The following NBR1 variants were observed in gnomAD, a reference collection of about 807,000 sequenced individuals.
NBR1 encodes the protein NBR1 autophagy cargo receptor.
In NBR1, 59 loss-of-function variants were observed where a neutral mutation model predicts 115.5. The ratio of observed to expected loss-of-function variants is 0.51; its 90% CI spans 0.41 to 0.63. The LOEUF (loss-of-function observed/expected upper bound fraction) is 0.63. NBR1 is among the 30% of genes least tolerant of loss of function. The pLI, the probability that NBR1 is intolerant of heterozygous loss-of-function variation, is 0.00. For synonymous variants in NBR1, 373 were observed against 414.7 expected (o/e 0.90, Z 1.22); for missense variants, 1,043 against 1,150.5 (o/e 0.91, Z 1.35).
rs1380884600 is a variant in NBR1, at chr17:43,193,125, C to G, written c.1105C>G (p.Pro369Ala). 1 of 1,613,932 alleles carries G rather than the reference C, an allele frequency of 6.2e-7. No homozygotes were observed. Among genetic ancestry groups the G allele is most frequent in the East Asian group, 2.2e-5 (1 of 44,878 alleles). The change falls in exon 11 of 21, where the codon CCA becomes GCA. Residue 369 changes from proline (P) to alanine (A), a missense_variant. Pro to Ala is a conservative substitution (Grantham distance 27). Transcript: ENST00000590996. ...TTTGCAGCCCTGTACCTCCGTTATG[C>G]CAATGCTCAGTGCAGCATTTGTGGA... is the stretch of plus-strand genomic sequence containing the variant. ...LPLQPCTSVM[P>A]MLSAAFVDEN...
intron 5 of NBR1, among the ~76,000 whole-genome samples, chr17:43,183,001 T>TG (rs374414565): frequency 7.7e-4 from 117 of 151,726 alleles, no homozygotes; most frequent in African/African-American, 2.6e-3. Flanking sequence ...TGACCTCCGG[T>TG]GATCCTCTTG....
At chr17:43,197,201 T>A in intron 16 of NBR1, 95 bp downstream of exon 16, 1 of 1,178,130 alleles carries the variant, frequency 8.5e-7, no homozygotes, top group Non-Finnish European at 1.2e-6. Flanking sequence ...TCACTGAGAC[T>A]GAAGGGAGAG....
In NBR1 at chr17:43,198,163, G is replaced by A. The variant is rs1280828040; in HGVS notation, c.2026+1057G>A. Among the ~76,000 whole-genome samples the A allele has an allele frequency of 9.6e-5, 14 of 146,176 alleles. 2 individuals are homozygous for A. The highest frequency in any genetic ancestry group is 3.3e-4 in the African/African-American group (13 of 39,524). ...AGCCTGGCAACAAGAGTGAAACTCC[G>A]TCTCAAAAAAAAAAAAAGGAATAAA... On this transcript the variant is annotated intron_variant, in intron 16 of 20. Transcript: ENST00000590996.
chr17:43,175,920 T>G lies in NBR1; in HGVS notation c.102+19T>G. 1 of 1,376,322 alleles carries G rather than the reference T, an allele frequency of 7.3e-7. No individual in the cohort carries two copies. Among genetic ancestry groups the G allele is most frequent in the East Asian group, 2.3e-5 (1 of 43,550 alleles). 85.3% of individuals were successfully genotyped at this position (1,376,322 alleles called of 1,614,324 possible). A position where few individuals can be genotyped will look rare whatever the true frequency, so the allele number is the denominator to read the frequency against. Reference sequence around the variant, plus strand: ...AGCTATGGTGAGTGTTACTTTATTTTGTTTCTCCTTGGTTTAAGCATGGTT... The same window carrying G: ...AGCTATGGTGAGTGTTACTTTATTTGGTTTCTCCTTGGTTTAAGCATGGTT... On this transcript the variant is annotated intron_variant, in intron 2 of 20. Coordinates refer to ENST00000590996, the MANE Select transcript of NBR1 (RefSeq NM_005899.5).
At chr17:43,183,446 CTT>C (rs34725381) in intron 5 of NBR1, among the ~76,000 whole-genome samples, 1,517 of 150,802 alleles carry the variant, frequency 0.01, 78 homozygotes, top group African/African-American at 0.036. Flanking sequence ...GTCTCAATCT[CTT>C]GACCTCATGA....
intron 16 of NBR1, among the ~76,000 whole-genome samples, chr17:43,199,078 T>A (rs1441877761): frequency 6.9e-6 from 1 of 145,002 alleles, no homozygotes; most frequent in Non-Finnish European, 1.5e-5. Flanking sequence ...CTGATAGGAT[T>A]TATGGGTAAT....
intron 1 of NBR1, 78 bp from the exon 2 acceptor site, chr17:43,175,713 G>C (rs1187444962): frequency 1.5e-6 from 1 of 659,500 alleles, no homozygotes; most frequent in Admixed American, 3.0e-5. Flanking sequence ...AGTATTTGCT[G>C]AGTGAACTTT....
Position 43,200,594 on chromosome 17 carries a change from A to G in NBR1, c.2454A>G (p.Pro818=). The change falls in exon 17 of 21, where the codon CCA becomes CCG. Residue 818 remains proline, a synonymous_variant. Coordinates refer to ENST00000590996, the MANE Select transcript of NBR1 (RefSeq NM_005899.5). ...TAATCCCAGAGGTAGTGGAGCTTCC[A>G]CCGTCACTGCCCAGGTACCACTCAC... ...VPLIPEVVEL[P]PSLPRSSPCV... is the part of the protein sequence containing the mutation. 4 of 1,604,234 alleles carry G rather than the reference A, an allele frequency of 2.5e-6. No homozygotes were observed. Among genetic ancestry groups the G allele is most frequent in the South Asian group, 1.1e-5 (1 of 90,256 alleles).
At position 43,210,142 on chromosome 17, in the gene NBR1, G is replaced by A. The variant is rs1297450890; in HGVS notation, c.*68G>A. ...ATCTTTATTCTGTCATTGGGGTATG[G>A]GATAGAAGCCCTTGCTTATTTTTAA... is the stretch of plus-strand genomic sequence containing the variant. On this transcript the variant is annotated 3_prime_UTR_variant, in exon 21 of 21. Transcript: ENST00000590996. 4.1e-6 allele frequency: 6 copies of A among 1,449,426 alleles called. No homozygotes were observed. In the African/African-American group the frequency reaches 8.5e-5, roughly 21 times the overall value. 89.8% of individuals were successfully genotyped at this position (1,449,426 alleles called of 1,614,324 possible). A position where few individuals can be genotyped will look rare whatever the true frequency, so the allele number is the denominator to read the frequency against.
intron 13 of NBR1, 24 bp downstream of exon 13, chr17:43,194,523 G>A (rs373876114): frequency 3.1e-6 from 5 of 1,613,260 alleles, no homozygotes; most frequent in Non-Finnish European, 4.2e-6. Context: ...CACTTTGAAG[G>A]GCAAGGGACA....
At chr17:43,181,223 G>A (rs2056655883) in intron 5 of NBR1, among the ~76,000 whole-genome samples, 1 of 152,188 alleles carries the variant, frequency 6.6e-6, no homozygotes, top group Admixed American at 6.5e-5. Context: ...GTTATGGGGA[G>A]AGACTAGTAC....
Position 43,189,599 on chromosome 17 carries a change from A to G in NBR1, c.492A>G (p.Gln164=). 1 of 1,613,704 alleles carries G rather than the reference A, an allele frequency of 6.2e-7. No homozygotes were observed. The highest frequency in any genetic ancestry group is 1.1e-5 in the South Asian group (1 of 91,076). The part of the protein sequence containing the change: ...FTSYLETFRE[Q]VVNETVEKLE... ...GCTCCATATTCTAGTTCAGAGAACA[A>G]GTGGTTAACGAAACGGTTGAGAAGC... Residue 164 remains glutamine (Q), a synonymous_variant, in exon 8 of 21, where the codon CAA becomes CAG. Coordinates refer to ENST00000590996, the MANE Select transcript of NBR1 (RefSeq NM_005899.5).
intron 12 of NBR1, 21 bp downstream of exon 12, chr17:43,193,659 T>G (rs747019560): frequency 1.0e-5 from 16 of 1,588,800 alleles, no homozygotes; most frequent in Non-Finnish European, 1.1e-5. Context: ...ACTGACAGGC[T>G]TTGGCCTAGT....
chr17:43,180,506 A>G (rs2056635450), intron 4 of NBR1, among the ~76,000 whole-genome samples: 1 of 152,222 alleles, frequency 6.6e-6, no homozygotes, highest in Non-Finnish European at 1.5e-5. Flanking sequence ...GCAAATTAAC[A>G]TATCTATCAT....
chr17:43,195,032 C>G lies in NBR1; in HGVS notation c.1743C>G (p.Thr581=), dbSNP rs1281611712. The change falls in exon 14 of 21, where the codon ACC becomes ACG. Residue 581 remains threonine (T), a synonymous_variant. Transcript: ENST00000590996. ...VQELERVPHN[T]PVDVTPCMSP... ...AGTTGGAGAGAGTGCCCCACAACAC[C>G]CCTGTGGGTAAGAATGTCACTCATT... 1.2e-6 allele frequency: 2 copies of G among 1,611,704 alleles called. 1 individual carries two copies. Among genetic ancestry groups the G allele is most frequent in the Non-Finnish European group, 1.7e-6 (2 of 1,178,024 alleles).
intron 1 of NBR1, among the ~76,000 whole-genome samples, chr17:43,172,871 G>T (rs549136294): frequency 6.6e-6 from 1 of 152,250 alleles, no homozygotes; most frequent in East Asian, 1.9e-4. Context: ...TGTCGCCCAG[G>T]CTGGAGTGCA....
intron 16 of NBR1, among the ~76,000 whole-genome samples, chr17:43,198,136 C>T (rs1023964868): frequency 6.6e-6 from 1 of 151,200 alleles, no homozygotes; most frequent in African/African-American, 2.4e-5. Context: ...CCATTGCACT[C>T]CAGCCTGGCA....
intron 1 of NBR1, among the ~76,000 whole-genome samples, chr17:43,173,628 C>G (rs1399848743): frequency 6.6e-6 from 1 of 152,080 alleles, no homozygotes; most frequent in African/African-American, 2.4e-5. Flanking sequence ...TTTGAAAGAA[C>G]TTGCGTACAC....
At chr17:43,186,110 G>A (rs982698929) in intron 5 of NBR1, 140 bp from the exon 6 acceptor site, 7 of 613,776 alleles carry the variant, frequency 1.1e-5, no homozygotes, top group Non-Finnish European at 1.9e-5. Context: ...TACATTTGTT[G>A]TTGGATTTAA....
Sources: allele counts gnomAD v4.1 joint callset (sites outside exome capture counted in the v4.1 genomes callset), GRCh38; gene constraint gnomAD v4.1.1; transcripts MANE v1.5; gene names NCBI Gene and HGNC (gene_info 2026-07-23, HGNC 2026-07-21).